Variants in PRRC2B observed in about 807,000 individuals in gnomAD.
PRRC2B encodes the protein protein PRRC2B.
Under a neutral mutation model 242.3 loss-of-function variants are expected in PRRC2B, and 68 were observed. The observed-to-expected ratio is 0.28, with a 90% confidence interval of 0.23 to 0.34. PRRC2B has a LOEUF of 0.34. Ranked by LOEUF, PRRC2B falls within the 10% of genes least tolerant of loss-of-function variation. The pLI is 1.00. For missense variants in PRRC2B, 2,835 were observed against 2,954.8 expected (o/e 0.96, Z 0.94); for synonymous variants, 1,228 against 1,173.6 (o/e 1.05, Z -0.95).
chr9:131,397,156 G>A (rs1464031610), intron 1 of PRRC2B, among the ~76,000 whole-genome samples: 2 of 152,122 alleles, frequency 1.3e-5, no homozygotes, highest in Non-Finnish European at 2.9e-5. Context: ...GCTCTATACT[G>A]TTAACTGGTT....
At chr9:131,430,052 TTC>T (rs1265056337) in intron 1 of PRRC2B, 40 bp from the exon 2 acceptor site, 15 of 661,802 alleles carry the variant, frequency 2.3e-5, no homozygotes, top group East Asian at 2.0e-4. Context: ...TTTTTTTTTT[TTC>T]TCTCTCTTTT....
chr9:131,431,457 G>T (rs1838168312), intron 2 of PRRC2B, among the ~76,000 whole-genome samples: 1 of 151,678 alleles, frequency 6.6e-6, no homozygotes. Context: ...TAGAGATGGG[G>T]TTTCTCCATG....
intron 30 of PRRC2B, among the ~76,000 whole-genome samples, chr9:131,492,656 C>T (rs1944228957): frequency 6.6e-6 from 1 of 152,226 alleles, no homozygotes; most frequent in Admixed American, 6.5e-5. Context: ...CGTCTCTTTC[C>T]TCAGACTTGC....
Position 131,476,455 on chromosome 9 carries a change from G to T in PRRC2B, c.4326G>T (p.Glu1442Asp). ...AGCTGGAGCCGGGAGGGTTTGGGGA[G>T]AAGCCCGTTAGGCCAGGTGGTGGTG... The part of the protein sequence containing the change: ...SRKLEPGGFG[E>D]KPVRPGGGDT... The change falls in exon 16 of 32, where the codon GAG (glutamate) becomes GAT (aspartate). Residue 1442 changes from glutamate to aspartate, a missense_variant. Glu to Asp is a conservative substitution (Grantham distance 45). This residue lies in a region of PRRC2B where 1,536 missense variants were observed against 1,483.1 expected (regional missense o/e 1.04). Transcript: ENST00000683519. 1.2e-6 allele frequency: 2 copies of T among 1,613,392 alleles called. No individual in the cohort carries two copies. The highest frequency in any genetic ancestry group is 1.7e-6 in the Non-Finnish European group (2 of 1,179,802).
intron 1 of PRRC2B, among the ~76,000 whole-genome samples, chr9:131,421,529 T>G (rs1837840262): frequency 6.6e-6 from 1 of 152,232 alleles, no homozygotes; most frequent in African/African-American, 2.4e-5. Context: ...ATTTTTGGTA[T>G]GTTTTGTCTA....
At position 131,464,924 on chromosome 9, in the gene PRRC2B, G is replaced by A. The variant is rs150608725; in HGVS notation, c.1566G>A (p.Leu522=). 258 of 1,613,290 alleles carry A rather than the reference G, an allele frequency of 1.6e-4. No homozygotes were observed. The African/African-American group carries it at 2.8e-3, about 17-fold the overall frequency. ...AGCGCCGAGCCCGGGAGGAGAGGCT[G>A]GCCGCCTGTGCTGCCAAACTCAAGC... ...EEERRAREER[L]AACAAKLKQL... Residue 522 remains leucine, a synonymous_variant, in exon 12 of 32, where the codon CTG becomes CTA. Coordinates refer to ENST00000683519, the MANE Select transcript of PRRC2B (RefSeq NM_013318.4).
intron 1 of PRRC2B, among the ~76,000 whole-genome samples, chr9:131,394,487 G>T (rs1245869588): frequency 1.4e-5 from 2 of 147,302 alleles, no homozygotes; most frequent in African/African-American, 4.9e-5. Flanking sequence ...GGCGGGCCCG[G>T]GCGCGCTCGC....
intron 1 of PRRC2B, among the ~76,000 whole-genome samples, chr9:131,419,349 C>T (rs931932607): frequency 2.0e-5 from 3 of 152,194 alleles, no homozygotes; most frequent in Non-Finnish European, 2.9e-5. Flanking sequence ...AAGGTCTGCT[C>T]TCTGTACCAG....
intron 1 of PRRC2B, among the ~76,000 whole-genome samples, chr9:131,398,139 A>G: frequency 6.6e-6 from 1 of 152,188 alleles, no homozygotes; most frequent in East Asian, 1.9e-4. Flanking sequence ...CTTTAGGTTT[A>G]AAAGGTGCCA....
chr9:131,476,214 C>T lies in PRRC2B; in HGVS notation c.4085C>T (p.Ser1362Phe), dbSNP rs1203259970. ...GTGGGCCGCAGGTCCCCTGAGCTCT[C>T]CTACCAGAACTCCTCCGATCACGCC... The part of the protein sequence containing the change: ...GTVGRRSPEL[S>F]YQNSSDHANE... The change falls in exon 16 of 32, where the codon TCC becomes TTC. Residue 1362 changes from serine to phenylalanine, a missense_variant. Transcript: ENST00000683519. 1 of 1,613,384 alleles carries T rather than the reference C, an allele frequency of 6.2e-7. No homozygotes were observed. The highest frequency in any genetic ancestry group is 2.2e-5 in the East Asian group (1 of 44,874).
chr9:131,491,825 G>A (rs961684197), intron 29 of PRRC2B, among the ~76,000 whole-genome samples: 1 of 152,186 alleles, frequency 6.6e-6, no homozygotes, highest in African/African-American at 2.4e-5. Flanking sequence ...GCTATGGACG[G>A]CCATGTTTCA....
intron 1 of PRRC2B, among the ~76,000 whole-genome samples, chr9:131,412,439 T>C (rs1837530496): frequency 6.6e-6 from 1 of 152,236 alleles, no homozygotes; most frequent in South Asian, 2.1e-4. Flanking sequence ...CCATAGTTCT[T>C]CCAAACAATG....
intron 1 of PRRC2B, among the ~76,000 whole-genome samples, chr9:131,415,241 C>T (rs1479343777): frequency 1.3e-5 from 2 of 152,150 alleles, no homozygotes; most frequent in South Asian, 2.1e-4. Flanking sequence ...GTGATCCACC[C>T]GCCTTGGCCT....
chr9:131,444,436 C>G, intron 6 of PRRC2B, 108 bp downstream of exon 6: 1 of 1,209,622 alleles, frequency 8.3e-7, no homozygotes, highest in Non-Finnish European at 1.1e-6. Context: ...CCGGTTCGAG[C>G]TGGAAACGTG....
chr9:131,438,608 G>C (rs952129496), intron 4 of PRRC2B, among the ~76,000 whole-genome samples: 2 of 152,138 alleles, frequency 1.3e-5, no homozygotes, highest in African/African-American at 2.4e-5. Flanking sequence ...GCCGGAACTG[G>C]GCCTTAGTCT....
At chr9:131,428,540 G>A (rs936723817) in intron 1 of PRRC2B, among the ~76,000 whole-genome samples, 9 of 152,150 alleles carry the variant, frequency 5.9e-5, no homozygotes, top group African/African-American at 2.2e-4. Flanking sequence ...GGGATTATAA[G>A]CATGCACCAC....
At chr9:131,425,492 T>TTG (rs1315856321) in intron 1 of PRRC2B, among the ~76,000 whole-genome samples, 2 of 151,666 alleles carry the variant, frequency 1.3e-5, no homozygotes, top group African/African-American at 2.4e-5. Flanking sequence ...GTTGTTGTTG[T>TTG]TGTTGTTGTT....
At chr9:131,394,582 C>G (rs903987158) in intron 1 of PRRC2B, among the ~76,000 whole-genome samples, 8 of 150,734 alleles carry the variant, frequency 5.3e-5, no homozygotes, top group Non-Finnish European at 1.2e-4. Context: ...CCGCCACCCC[C>G]GTACCCCCGA....
At chr9:131,442,501 G>A (rs1419012261) in intron 5 of PRRC2B, among the ~76,000 whole-genome samples, 1 of 152,140 alleles carries the variant, frequency 6.6e-6, no homozygotes, top group East Asian at 1.9e-4. Context: ...TTGGTGAATG[G>A]TGTCCAGTCT....
Sources: allele counts gnomAD v4.1 joint callset (sites outside exome capture counted in the v4.1 genomes callset), GRCh38; gene constraint gnomAD v4.1.1; regional missense constraint gnomAD v4.1.1; transcripts MANE v1.5; gene names NCBI Gene and HGNC (gene_info 2026-07-23, HGNC 2026-07-21).